The following NUDT19 variants were observed in gnomAD, a reference collection of about 807,000 sequenced individuals.
The protein encoded by NUDT19 is acyl-coenzyme A diphosphatase NUDT19.
Under a neutral mutation model 22.2 loss-of-function variants are expected in NUDT19, and 31 were observed. The ratio of observed to expected loss-of-function variants is 1.40; its 90% CI spans 1.05 to 1.89. NUDT19 has a LOEUF of 1.89. Ranked by LOEUF, NUDT19 falls within the 40% of genes most tolerant of loss-of-function variation. The pLI is 0.00. For missense variants in NUDT19, 752 were observed against 514.2 expected (o/e 1.46, Z -4.47); for synonymous variants, 325 against 230.8 (o/e 1.41, Z -3.70).
At chr19:32,702,151 C>T (rs1340018157) in intron 1 of NUDT19, among the ~76,000 whole-genome samples, 1 of 152,172 alleles carries the variant, frequency 6.6e-6, no homozygotes, top group Non-Finnish European at 1.5e-5. Context: ...AAGTTGCGAC[C>T]TGGGCCTTGA....
intron 2 of NUDT19, among the ~76,000 whole-genome samples, chr19:32,710,420 C>CAAAAAAAAAA (rs34357522): frequency 1.9e-5 from 2 of 107,052 alleles, no homozygotes; most frequent in Non-Finnish European, 3.9e-5. Context: ...ACTGAAAATA[C>CAAAAAAAAAA]AAAAAAAAAA....
rs1410395773 is a variant in NUDT19, at chr19:32,713,620, G to A, written c.*1663G>A. ...AGTAATTTTTCATCATCTTTCAAGAGGAATAATGTTTATTGATTAAAGGTG... is the reference window on the plus strand; with the variant it reads ...AGTAATTTTTCATCATCTTTCAAGAAGAATAATGTTTATTGATTAAAGGTG... On this transcript the variant is annotated 3_prime_UTR_variant, in exon 3 of 3. Coordinates refer to ENST00000397061, the MANE Select transcript of NUDT19 (RefSeq NM_001105570.2). The A allele has an allele frequency of 6.6e-6, 1 of 152,056 alleles. No individual in the cohort carries two copies. Among genetic ancestry groups the A allele is most frequent in the Non-Finnish European group, 1.5e-5 (1 of 68,012 alleles). The allele number at this position is 152,056 out of a possible 1,614,324, so 9.4% of individuals were successfully genotyped here. A position where few individuals can be genotyped will look rare whatever the true frequency, so the allele number is the denominator to read the frequency against.
At chr19:32,704,879 G>T (rs893958404) in intron 1 of NUDT19, among the ~76,000 whole-genome samples, 2 of 152,020 alleles carry the variant, frequency 1.3e-5, no homozygotes, top group Admixed American at 6.6e-5. Flanking sequence ...GGCCAAGGCG[G>T]GTAGATCACC....
Position 32,692,217 on chromosome 19 carries a change from C to T in NUDT19, c.257C>T (p.Pro86Leu), listed in dbSNP as rs754460663. The change falls in exon 1 of 3, where the codon CCG becomes CTG. Residue 86 changes from proline (P) to leucine (L), a missense_variant. Physicochemically the swap from Pro to Leu is moderately conservative, Grantham distance 98. Coordinates refer to ENST00000397061, the MANE Select transcript of NUDT19 (RefSeq NM_001105570.2). ...WLGLFAPHHG[P>L]PRFGLGPAPF... ...GGCCTCTTCGCGCCGCACCACGGGCCGCCGCGCTTCGGCCTGGGCCCGGCG... is the reference window on the plus strand; with the variant it reads ...GGCCTCTTCGCGCCGCACCACGGGCTGCCGCGCTTCGGCCTGGGCCCGGCG... 227 of 1,583,370 alleles carry T rather than the reference C, an allele frequency of 1.4e-4. No homozygotes were observed. Among genetic ancestry groups the T allele is most frequent in the Non-Finnish European group, 1.8e-4 (213 of 1,173,754 alleles).
At position 32,692,644 on chromosome 19, in the gene NUDT19, C is replaced by G; in HGVS notation, c.684C>G (p.Tyr228Ter). Residue 228 changes from tyrosine (Y) to a stop codon, truncating the protein, a stop_gained, in exon 1 of 3, where the codon TAC becomes TAG. Transcript: ENST00000397061. LOFTEE classifies it high-confidence loss of function. ...GCCTGCGCGAGCCGCCGCCCGTCTACCCCGACTTGGCGGAGGTGGTGGGCT... is the reference window on the plus strand; with the variant it reads ...GCCTGCGCGAGCCGCCGCCCGTCTAGCCCGACTTGGCGGAGGTGGTGGGCT... Reference protein sequence around the residue: ...LCCLREPPPVYPDLAEVVGYQ... With the variant: ...LCCLREPPPV 2 of 1,523,776 alleles carry G rather than the reference C, an allele frequency of 1.3e-6. No homozygotes were observed. The highest frequency in any genetic ancestry group is 1.8e-6 in the Non-Finnish European group (2 of 1,140,950). 94.4% of individuals were successfully genotyped at this position (1,523,776 alleles called of 1,614,324 possible). A position where few individuals can be genotyped will look rare whatever the true frequency, so the allele number is the denominator to read the frequency against.
chr19:32,702,142 A>C (rs541364352), intron 1 of NUDT19, among the ~76,000 whole-genome samples: 2 of 152,210 alleles, frequency 1.3e-5, no homozygotes, highest in Non-Finnish European at 2.9e-5. Context: ...TGCTGTAAAA[A>C]GTTGCGACCT....
At chr19:32,698,426 GGTTT>G (rs1184682763) in intron 1 of NUDT19, among the ~76,000 whole-genome samples, 3 of 152,072 alleles carry the variant, frequency 2.0e-5, no homozygotes, top group Admixed American at 1.3e-4. Flanking sequence ...CTGTGGTTTT[GGTTT>G]GTTTGTTTCT....
intron 2 of NUDT19, among the ~76,000 whole-genome samples, chr19:32,710,570 C>T (rs770383361): frequency 5.3e-5 from 8 of 151,114 alleles, no homozygotes; most frequent in East Asian, 2.0e-4. Flanking sequence ...CTAACCTGGG[C>T]GACAGAGCGA....
At chr19:32,693,168 C>T (rs556707550) in intron 1 of NUDT19, among the ~76,000 whole-genome samples, 40 of 152,298 alleles carry the variant, frequency 2.6e-4, no homozygotes, top group South Asian at 4.1e-4. Flanking sequence ...AATAAAGCCG[C>T]GGACCCTCGA....
chr19:32,702,362 AATTT>A (rs1469812100), intron 1 of NUDT19, among the ~76,000 whole-genome samples: 1 of 152,216 alleles, frequency 6.6e-6, no homozygotes, highest in Non-Finnish European at 1.5e-5. Context: ...TATCTACTTT[AATTT>A]ATTTAATTAA....
intron 1 of NUDT19, among the ~76,000 whole-genome samples, 164 bp from the exon 2 acceptor site, chr19:32,709,021 T>C (rs1020329157): frequency 1.3e-5 from 2 of 152,182 alleles, no homozygotes; most frequent in Non-Finnish European, 2.9e-5. Flanking sequence ...TCAACCCAGC[T>C]TTCTTCACTG....
intron 1 of NUDT19, among the ~76,000 whole-genome samples, chr19:32,698,306 C>T (rs563182551): frequency 3.9e-5 from 6 of 152,232 alleles, no homozygotes; most frequent in African/African-American, 2.4e-5. Flanking sequence ...AAAAAATGAG[C>T]CACCTCTTTT....
At chr19:32,696,811 G>C (rs1483339513) in intron 1 of NUDT19, among the ~76,000 whole-genome samples, 1 of 152,170 alleles carries the variant, frequency 6.6e-6, no homozygotes, top group Non-Finnish European at 1.5e-5. Context: ...AATTAACACT[G>C]AGAAAGCCAC....
At chr19:32,702,585 G>A (rs1968347107) in intron 1 of NUDT19, among the ~76,000 whole-genome samples, 1 of 152,148 alleles carries the variant, frequency 6.6e-6, no homozygotes, top group South Asian at 2.1e-4. Context: ...TCCAGCCTGG[G>A]TGACAGAGCG....
At position 32,712,282 on chromosome 19, in the gene NUDT19, TTAGCCAGGATGGTCTC is replaced by T. The variant is rs1968456133; in HGVS notation, c.*326_*341del. 1.4e-5 allele frequency: 3 copies of T among 209,336 alleles called. No homozygotes were observed. Among genetic ancestry groups the T allele is most frequent in the Non-Finnish European group, 2.9e-5 (3 of 104,078 alleles). The allele number at this position is 209,336 out of a possible 1,614,324, so 13.0% of individuals were successfully genotyped here. A position where few individuals can be genotyped will look rare whatever the true frequency, so the allele number is the denominator to read the frequency against. On this transcript the variant is annotated 3_prime_UTR_variant, in exon 3 of 3. Transcript: ENST00000397061. ...TTAGTAGAGACGGGTTTTCACCGTG[TTAGCCAGGATGGTCTC>T]AATCTCTTGACCTCGTGATACGCCC... is the stretch of plus-strand genomic sequence containing the variant.
chr19:32,703,114 G>A (rs919467108), intron 1 of NUDT19, among the ~76,000 whole-genome samples: 1 of 152,106 alleles, frequency 6.6e-6, no homozygotes, highest in Non-Finnish European at 1.5e-5. Context: ...TGATTCTCCT[G>A]CCTCAGCTTC....
At chr19:32,693,875 A>AC (rs1221609252) in intron 1 of NUDT19, among the ~76,000 whole-genome samples, 1 of 152,164 alleles carries the variant, frequency 6.6e-6, no homozygotes, top group African/African-American at 2.4e-5. Flanking sequence ...TAAACAGGGC[A>AC]CCCCATCTGC....
At chr19:32,697,486 A>C (rs1315555519) in intron 1 of NUDT19, among the ~76,000 whole-genome samples, 1 of 152,158 alleles carries the variant, frequency 6.6e-6, no homozygotes, top group Admixed American at 6.6e-5. Context: ...TCATTGAATA[A>C]TTCATGGGCT....
In NUDT19 at chr19:32,692,175, G is replaced by C; in HGVS notation, c.215G>C (p.Arg72Pro). The C allele has an allele frequency of 1.9e-6, 3 of 1,543,630 alleles. No individual in the cohort carries two copies. The highest frequency in any genetic ancestry group is 2.6e-6 in the Non-Finnish European group (3 of 1,155,518). The change falls in exon 1 of 3, where the codon CGC (arginine) becomes CCC (proline). Residue 72 changes from arginine (R) to proline (P), a missense_variant. Transcript: ENST00000397061. Reference sequence around the variant, plus strand: ...GGCGGAGTGCTGGATGCGGCCGACCGCTCGGCGGACTGGCTGGGCCTCTTC... The same window carrying C: ...GGCGGAGTGCTGGATGCGGCCGACCCCTCGGCGGACTGGCTGGGCCTCTTC... ...FSGGVLDAAD[R>P]SADWLGLFAP...
Sources: allele counts gnomAD v4.1 joint callset (sites outside exome capture counted in the v4.1 genomes callset), GRCh38; gene constraint gnomAD v4.1.1; transcripts MANE v1.5; gene names NCBI Gene and HGNC (gene_info 2026-07-23, HGNC 2026-07-21).